ARHGEF10L: variants seen among roughly 807,000 people sequenced by gnomAD.
ARHGEF10L encodes Rho guanine nucleotide exchange factor 10 like.
A neutral mutation model predicts 141.2 loss-of-function variants in ARHGEF10L; 69 were observed. The ratio of observed to expected loss-of-function variants is 0.49; its 90% CI spans 0.40 to 0.60. ARHGEF10L has a LOEUF of 0.60. ARHGEF10L is among the 20% of genes least tolerant of loss of function. The pLI, the probability that ARHGEF10L is intolerant of heterozygous loss-of-function variation, is 0.00. For synonymous variants in ARHGEF10L, 711 were observed against 718.5 expected, an observed-to-expected ratio of 0.99 and a Z score of 0.17; for missense variants, 1,482 against 1,734.3, an observed-to-expected ratio of 0.85 and a Z score of 2.58.
chr1:17,556,473 G>A (rs2077331556), intron 1 of ARHGEF10L, among the ~76,000 whole-genome samples: 1 of 152,174 alleles, frequency 6.6e-6, no homozygotes, highest in Non-Finnish European at 1.5e-5. Flanking sequence ...GACGTTCTGT[G>A]AACTGAGTAA....
chr1:17,657,215 C>T (rs1387548417), intron 25 of ARHGEF10L, among the ~76,000 whole-genome samples: 4 of 152,162 alleles, frequency 2.6e-5, no homozygotes, highest in African/African-American at 4.8e-5. Context: ...GCACAGGTTA[C>T]GATGTCAGGA....
At chr1:17,691,659 A>C (rs1423321698) in intron 27 of ARHGEF10L, among the ~76,000 whole-genome samples, 1 of 152,104 alleles carries the variant, frequency 6.6e-6, no homozygotes, top group African/African-American at 2.4e-5. Context: ...TATTGATTGT[A>C]TACTATGGGC....
chr1:17,648,480 T>A lies in ARHGEF10L; in HGVS notation c.2273-74T>A, dbSNP rs530993312. The A allele has an allele frequency of 7.0e-6, 11 of 1,577,628 alleles. No individual in the cohort carries two copies. The South Asian group carries it at 1.3e-4, about 18-fold the overall frequency. Reference sequence around the variant, plus strand: ...GGGGCCTGCAGTGGCTCCCTGGGGCTTGGAGGGCTCCTCATGGCCCAGTTG... The same window carrying A: ...GGGGCCTGCAGTGGCTCCCTGGGGCATGGAGGGCTCCTCATGGCCCAGTTG... On this transcript the variant is annotated intron_variant, in intron 21 of 28. Coordinates refer to ENST00000361221, the MANE Select transcript of ARHGEF10L (RefSeq NM_018125.4).
At chr1:17,563,692 T>A (rs2077634080) in intron 1 of ARHGEF10L, among the ~76,000 whole-genome samples, 2 of 152,290 alleles carry the variant, frequency 1.3e-5, no homozygotes, top group African/African-American at 4.8e-5. Flanking sequence ...GACACCCAGT[T>A]TGCAGATGAA....
At chr1:17,640,798 T>A (rs2061286548) in intron 21 of ARHGEF10L, among the ~76,000 whole-genome samples, 1 of 152,184 alleles carries the variant, frequency 6.6e-6, no homozygotes, top group Non-Finnish European at 1.5e-5. Flanking sequence ...CTATACTGAT[T>A]CTCAAAGACC....
intron 26 of ARHGEF10L, among the ~76,000 whole-genome samples, chr1:17,665,443 T>A (rs1323480772): frequency 1.3e-5 from 2 of 152,084 alleles, no homozygotes; most frequent in Non-Finnish European, 2.9e-5. Context: ...AGGGGGAAAC[T>A]GAGGCACGGG....
chr1:17,665,991 T>C (rs925290455), intron 26 of ARHGEF10L, among the ~76,000 whole-genome samples: 1 of 152,098 alleles, frequency 6.6e-6, no homozygotes, highest in African/African-American at 2.4e-5. Context: ...TGCTTCAGTG[T>C]GATTCTGAAG....
chr1:17,534,591 A>ATTT, the ARHGEF10L span, among the ~76,000 whole-genome samples: 2 of 125,086 alleles, frequency 1.6e-5, no homozygotes, highest in African/African-American at 2.9e-5. Flanking sequence ...CCATTTTCTG[A>ATTT]TTTTTTTTTT....
intron 2 of ARHGEF10L, 147 bp from the exon 3 acceptor site, chr1:17,587,313 C>A: frequency 1.3e-6 from 1 of 788,796 alleles, no homozygotes; most frequent in South Asian, 1.9e-5. Context: ...ACTGTAGGGC[C>A]ATGTGGCTTG....
intron 21 of ARHGEF10L, among the ~76,000 whole-genome samples, chr1:17,647,120 C>G (rs7339986): frequency 6.6e-6 from 1 of 152,080 alleles, no homozygotes; most frequent in Admixed American, 6.5e-5. Flanking sequence ...CTAGCATCAC[C>G]GTGCCCACAG....
upstream of ARHGEF10L, among the ~76,000 whole-genome samples, chr1:17,535,339 G>A (rs2076559717): frequency 6.6e-6 from 1 of 152,212 alleles, no homozygotes; most frequent in Non-Finnish European, 1.5e-5. Context: ...ACATAGAGAT[G>A]AAGCTTGCTT....
rs773310922 is a variant in ARHGEF10L at position 17,655,899 on chromosome 1, C to T, written c.2502C>T (p.Gly834=). 4.2e-5 allele frequency: 65 copies of T among 1,555,056 alleles called. No homozygotes were observed. The South Asian group carries it at 5.0e-4, about 12-fold the overall frequency. The change falls in exon 24 of 29, where the codon GGC becomes GGT. Residue 834 remains glycine (G), a synonymous_variant. Transcript: ENST00000361221. ...GYLWVGGGQE[G]AGGQVEIFSL... ...CCCAGGTCGGGGGCGGACAGGAAGG[C>T]GCAGGGGGCCAGGTGGAAATCTTTT...
At chr1:17,679,770 G>A (rs1183743530) in intron 26 of ARHGEF10L, among the ~76,000 whole-genome samples, 1 of 152,196 alleles carries the variant, frequency 6.6e-6, no homozygotes, top group Non-Finnish European at 1.5e-5. Context: ...GCCCTGCACA[G>A]GTCATTTCTT....
intron 1 of ARHGEF10L, among the ~76,000 whole-genome samples, chr1:17,546,906 C>A (rs2076937372): frequency 6.6e-6 from 1 of 152,210 alleles, no homozygotes; most frequent in South Asian, 2.1e-4. Context: ...TCTCAGTTCT[C>A]AGCTACTCCA....
intron 1 of ARHGEF10L, among the ~76,000 whole-genome samples, chr1:17,567,549 G>A (rs1474921594): frequency 6.6e-6 from 1 of 152,120 alleles, no homozygotes; most frequent in African/African-American, 2.4e-5. Flanking sequence ...TGTATTTTTA[G>A]TAGAGACAGG....
chr1:17,554,664 C>T (rs2077241203), intron 1 of ARHGEF10L, among the ~76,000 whole-genome samples: 1 of 149,736 alleles, frequency 6.7e-6, no homozygotes, highest in Admixed American at 6.7e-5. Flanking sequence ...CAGCTCACTG[C>T]AGCCTTGATT....
intron 4 of ARHGEF10L, among the ~76,000 whole-genome samples, chr1:17,596,837 A>G (rs2080157739): frequency 1.3e-5 from 2 of 152,196 alleles, no homozygotes; most frequent in Non-Finnish European, 2.9e-5. Context: ...GGGTCACCTG[A>G]GGTCAGGAGT....
At chr1:17,687,814 T>C in intron 27 of ARHGEF10L, 67 bp downstream of exon 27, 1 of 1,471,146 alleles carries the variant, frequency 6.8e-7, no homozygotes, top group South Asian at 1.4e-5. Flanking sequence ...GGTAGTGGTG[T>C]GACCTGGGCA....
chr1:17,638,930 G>T (rs1181660348), intron 20 of ARHGEF10L, among the ~76,000 whole-genome samples: 2 of 152,194 alleles, frequency 1.3e-5, no homozygotes, highest in Non-Finnish European at 2.9e-5. Flanking sequence ...GATAAGCCTG[G>T]CCCACTGTTA....
Sources: allele counts gnomAD v4.1 joint callset (sites outside exome capture counted in the v4.1 genomes callset), GRCh38; gene constraint gnomAD v4.1.1; transcripts MANE v1.5; gene names NCBI Gene and HGNC (gene_info 2026-07-23, HGNC 2026-07-21).